The following SPDEF variants were observed in gnomAD, a reference collection of about 807,000 sequenced individuals.
SPDEF encodes the protein SAM pointed domain-containing Ets transcription factor.
Under a neutral mutation model 36.0 loss-of-function variants are expected in SPDEF, and 12 were observed. The ratio of observed to expected loss-of-function variants is 0.33; its 90% confidence interval spans 0.21 to 0.54. The LOEUF is 0.54. Among genes scored for constraint, SPDEF ranks in the 20% least tolerant of loss-of-function variants. The probability of loss-of-function intolerance (pLI) is 0.93; values close to 1 mark genes in which losing one functional copy is unlikely to be tolerated. For missense variants in SPDEF, 388 were observed against 456.9 expected (o/e 0.85, Z 1.37); for synonymous variants, 205 against 193.0 (o/e 1.06, Z -0.51).
At chr6:34,541,240 TG>T in intron 2 of SPDEF, 59 bp from the exon 3 acceptor site, 1 of 1,491,298 alleles carries the variant, frequency 6.7e-7, no homozygotes. Flanking sequence ...CCTGCTGTGA[TG>T]GGGCACCCAT....
In SPDEF at chr6:34,555,630, A is replaced by G. The variant is rs1327953725; in HGVS notation, c.-30+299T>C. On this transcript the variant is annotated intron_variant, in intron 1 of 5. Transcript: ENST00000374037. The surrounding 1 kb of genome is among the most constrained non-coding windows in gnomAD (Gnocchi z 5.2). Reference sequence around the variant, plus strand: ...TCAGGGGCCGGGGCTCTGCATCTGCACGGCGGCCTCCCCTCAGGCTGGGCA... The same window carrying G: ...TCAGGGGCCGGGGCTCTGCATCTGCGCGGCGGCCTCCCCTCAGGCTGGGCA... Among the ~76,000 whole-genome samples the G allele has an allele frequency of 2.6e-5, 4 of 152,082 alleles. No homozygotes were observed. Among genetic ancestry groups the G allele is most frequent in the African/African-American group, 9.7e-5 (4 of 41,416 alleles).
intron 3 of SPDEF, among the ~76,000 whole-genome samples, chr6:34,540,625 A>T (rs1032996396): frequency 6.6e-6 from 1 of 151,728 alleles, no homozygotes; most frequent in African/African-American, 2.4e-5. Flanking sequence ...TACTTCTTTA[A>T]TAAAAAAAAA....
At chr6:34,540,896 T>C in intron 3 of SPDEF, 88 bp downstream of exon 3, 2 of 1,275,448 alleles carry the variant, frequency 1.6e-6, no homozygotes, top group Non-Finnish European at 2.2e-6. Flanking sequence ...AAGGGGCTGC[T>C]GCCCTAGCAG....
chr6:34,550,756 G>A (rs986564962), intron 1 of SPDEF, among the ~76,000 whole-genome samples: 5 of 152,188 alleles, frequency 3.3e-5, no homozygotes, highest in African/African-American at 7.2e-5. Context: ...TTTGTGGGGC[G>A]GGAGGCAGGT....
intron 2 of SPDEF, among the ~76,000 whole-genome samples, chr6:34,541,577 C>T (rs1458867546): frequency 6.6e-6 from 1 of 152,202 alleles, no homozygotes; most frequent in Non-Finnish European, 1.5e-5. Context: ...TTCCCAAACC[C>T]CTCAAGGAAC....
Position 34,538,567 on chromosome 6 carries a change from T to TC in SPDEF, c.830-116dup. 1 of 1,031,694 alleles carries TC rather than the reference T, an allele frequency of 9.7e-7. No homozygotes were observed. The highest frequency in any genetic ancestry group is 1.4e-6 in the Non-Finnish European group (1 of 713,536). 63.9% of individuals were successfully genotyped at this position (1,031,694 alleles called of 1,614,324 possible). A position where few individuals can be genotyped will look rare whatever the true frequency, so the allele number is the denominator to read the frequency against. ...AACCAAGGGACCCCGTGCAGAGGCC[T>TC]CCCCCTGCTCGGGTGGGGCGGGGTG... On this transcript the variant is annotated intron_variant, in intron 5 of 5. Transcript: ENST00000374037. The surrounding 1 kb of genome is among the most constrained non-coding windows in gnomAD (Gnocchi z 5.9).
chr6:34,538,773 C>G lies in SPDEF; in HGVS notation c.830-321G>C, dbSNP rs1403447208. Among the ~76,000 whole-genome samples the G allele has an allele frequency of 6.6e-6, 1 of 152,222 alleles. No homozygotes were observed. The highest frequency in any genetic ancestry group is 2.4e-5 in the African/African-American group (1 of 41,456). On this transcript the variant is annotated intron_variant, in intron 5 of 5. Coordinates refer to ENST00000374037, the MANE Select transcript of SPDEF (RefSeq NM_012391.3). The surrounding 1 kb of genome is among the most constrained non-coding windows in gnomAD (Gnocchi z 5.9). ...GGGGCCCTGCAGGCCTGGCCCTTGC[C>G]AACTCCTGCTTCTGTGTGGGGTTTG...
chr6:34,548,243 C>A (rs1767994106), intron 1 of SPDEF, among the ~76,000 whole-genome samples: 1 of 152,184 alleles, frequency 6.6e-6, no homozygotes, highest in Non-Finnish European at 1.5e-5. Context: ...CAGGGTTCTT[C>A]CTGGCCAGGT....
chr6:34,538,113 T>A lies in SPDEF; in HGVS notation c.*161A>T. The A allele has an allele frequency of 2.8e-6, 2 of 712,618 alleles. No individual in the cohort carries two copies. The highest frequency in any genetic ancestry group is 4.5e-6 in the Non-Finnish European group (2 of 441,794). The allele number at this position is 712,618 out of a possible 1,614,324, so 44.1% of individuals were successfully genotyped here. On this transcript the variant is annotated 3_prime_UTR_variant, in exon 6 of 6. Coordinates refer to ENST00000374037, the MANE Select transcript of SPDEF (RefSeq NM_012391.3). The surrounding 1 kb of genome is among the most constrained non-coding windows in gnomAD (Gnocchi z 5.9). The stretch of plus-strand genomic sequence containing the variant: ...GGTCCCGAAGGCCCCAGAGGACCCA[T>A]ATCCCCCTGGGGCAGTTGGTTGCCC...
At position 34,539,602 on chromosome 6, in the gene SPDEF, C is replaced by T; in HGVS notation, c.635-40G>A. The T allele has an allele frequency of 1.9e-6, 3 of 1,552,134 alleles. No individual in the cohort carries two copies. The highest frequency in any genetic ancestry group is 2.6e-6 in the Non-Finnish European group (3 of 1,148,542). On this transcript the variant is annotated intron_variant, in intron 3 of 5. Transcript: ENST00000374037. The surrounding 1 kb of genome is among the most constrained non-coding windows in gnomAD (Gnocchi z 5.2). ...GAGGGGGTTGGGGACCCAGGAGAGG[C>T]CCCGAGGGTGGAGGAGGGGAGGCGT...
Position 34,540,964 on chromosome 6 carries a change from C to T in SPDEF, c.634+20G>A. On this transcript the variant is annotated intron_variant, in intron 3 of 5. Coordinates refer to ENST00000374037, the MANE Select transcript of SPDEF (RefSeq NM_012391.3). ...GCTTGGAGCCTGGGAGGGGCTGCTC[C>T]CAGCCATGCCACATCCTACCTGACT... The T allele has an allele frequency of 6.2e-7, 1 of 1,603,176 alleles. No homozygotes were observed.
chr6:34,555,166 C>T lies in SPDEF; in HGVS notation c.-30+763G>A, dbSNP rs1768140629. 6.6e-6 allele frequency among the ~76,000 whole-genome samples: 1 copy of T among 151,842 alleles called. No homozygotes were observed. The highest frequency in any genetic ancestry group is 1.5e-5 in the Non-Finnish European group (1 of 67,998). On this transcript the variant is annotated intron_variant, in intron 1 of 5. Transcript: ENST00000374037. The surrounding 1 kb of genome is among the most constrained non-coding windows in gnomAD (Gnocchi z 5.2). ...CACACCTCCACCAGCCTCAGGGGCA[C>T]CCAGTCGCCCAGGCCCTTCAGCTTC...
chr6:34,544,558 A>T lies in SPDEF; in HGVS notation c.-29-74T>A. The T allele has an allele frequency of 8.0e-7, 1 of 1,248,762 alleles. No homozygotes were observed. 77.4% of individuals were successfully genotyped at this position (1,248,762 alleles called of 1,614,324 possible). A position where few individuals can be genotyped will look rare whatever the true frequency, so the allele number is the denominator to read the frequency against. On this transcript the variant is annotated intron_variant, in intron 1 of 5. Coordinates refer to ENST00000374037, the MANE Select transcript of SPDEF (RefSeq NM_012391.3). The surrounding 1 kb of genome is among the most constrained non-coding windows in gnomAD (Gnocchi z 4.4). The stretch of plus-strand genomic sequence containing the variant: ...GGGGGCCGCTAAGCTGGTTATGGGG[A>T]TGAGGGGCCCTGTGGACAGTGGGCT...
In SPDEF at chr6:34,539,625, C is replaced by A; in HGVS notation, c.635-63G>T. 1 of 1,534,996 alleles carries A rather than the reference C, an allele frequency of 6.5e-7. No homozygotes were observed. The highest frequency in any genetic ancestry group is 8.8e-7 in the Non-Finnish European group (1 of 1,134,708). Reference sequence around the variant, plus strand: ...GGCCCCGAGGGTGGAGGAGGGGAGGCGTTTGGGTGGGACTGTGGGGCCACA... The same window carrying A: ...GGCCCCGAGGGTGGAGGAGGGGAGGAGTTTGGGTGGGACTGTGGGGCCACA... On this transcript the variant is annotated intron_variant, in intron 3 of 5. Transcript: ENST00000374037. The surrounding 1 kb of genome is among the most constrained non-coding windows in gnomAD (Gnocchi z 5.2).
At position 34,544,151 on chromosome 6, in the gene SPDEF, G is replaced by T. The variant is rs772048340; in HGVS notation, c.305C>A (p.Ala102Glu). Residue 102 changes from alanine (A) to glutamate (E), a missense_variant, in exon 2 of 6, where the codon GCG becomes GAG. Ala to Glu is a moderately radical substitution (Grantham distance 107, BLOSUM62 -1). This residue lies in a region of SPDEF where 308 missense variants were observed against 326.1 expected (regional missense o/e 0.94). Coordinates refer to ENST00000374037, the MANE Select transcript of SPDEF (RefSeq NM_012391.3). This position sits in a 1 kb window ranked among gnomAD's most constrained non-coding sequence, Gnocchi z 4.4. Reference sequence around the variant, plus strand: ...GCCGGGCACCAAGTCCAGGCTGCCCGCTGGGGCTTGGCTGTCAATGACCGG... The same window carrying T: ...GCCGGGCACCAAGTCCAGGCTGCCCTCTGGGGCTTGGCTGTCAATGACCGG... ...QCPVIDSQAP[A>E]GSLDLVPGGL... The T allele has an allele frequency of 6.2e-7, 1 of 1,613,816 alleles. No individual in the cohort carries two copies. The highest frequency in any genetic ancestry group is 8.5e-7 in the Non-Finnish European group (1 of 1,179,926).
chr6:34,544,936 G>A lies in SPDEF; in HGVS notation c.-29-452C>T, dbSNP rs1199043175. Among the ~76,000 whole-genome samples, 2 of 152,186 alleles carry A rather than the reference G, an allele frequency of 1.3e-5. No homozygotes were observed. The highest frequency in any genetic ancestry group is 2.4e-5 in the African/African-American group (1 of 41,450). On this transcript the variant is annotated intron_variant, in intron 1 of 5. Coordinates refer to ENST00000374037, the MANE Select transcript of SPDEF (RefSeq NM_012391.3). This position sits in a 1 kb window ranked among gnomAD's most constrained non-coding sequence, Gnocchi z 4.4. Reference sequence around the variant, plus strand: ...TTTTCTTCTGCCTTTGACAAGGATAGGAGTGGAAGTGGCAGGCAGAGGCCA... The same window carrying A: ...TTTTCTTCTGCCTTTGACAAGGATAAGAGTGGAAGTGGCAGGCAGAGGCCA...
In SPDEF at chr6:34,539,734, C is replaced by T. The variant is rs1001485503; in HGVS notation, c.635-172G>A. Among the ~76,000 whole-genome samples, 1 of 152,204 alleles carries T rather than the reference C, an allele frequency of 6.6e-6. No individual in the cohort carries two copies. Among genetic ancestry groups the T allele is most frequent in the African/African-American group, 2.4e-5 (1 of 41,452 alleles). ...GAGGCAAGCTGGTTACAAGAAGCTG[C>T]TTCCTGGAAGAAAATTCAGGATTTC... is the stretch of plus-strand genomic sequence containing the variant. On this transcript the variant is annotated intron_variant, in intron 3 of 5. Coordinates refer to ENST00000374037, the MANE Select transcript of SPDEF (RefSeq NM_012391.3). This position sits in a 1 kb window ranked among gnomAD's most constrained non-coding sequence, Gnocchi z 5.2.
At chr6:34,541,248 C>A in intron 2 of SPDEF, 67 bp from the exon 3 acceptor site, 5 of 1,454,360 alleles carry the variant, frequency 3.4e-6, no homozygotes, top group Non-Finnish European at 4.7e-6. Context: ...GATGGGGCAC[C>A]CATGGGAACC....
rs1275738723 is a variant in SPDEF, at chr6:34,555,328, C to A, written c.-30+601G>T. On this transcript the variant is annotated intron_variant, in intron 1 of 5. Coordinates refer to ENST00000374037, the MANE Select transcript of SPDEF (RefSeq NM_012391.3). This position sits in a 1 kb window ranked among gnomAD's most constrained non-coding sequence, Gnocchi z 5.2. Reference sequence around the variant, plus strand: ...CCAGGACCCAAGGCTCTCAGCTTCCCCCAGTGTCCAAGGGCTCAGAGTGTG... The same window carrying A: ...CCAGGACCCAAGGCTCTCAGCTTCCACCAGTGTCCAAGGGCTCAGAGTGTG... Among the ~76,000 whole-genome samples, 2 of 152,074 alleles carry A rather than the reference C, an allele frequency of 1.3e-5. No individual in the cohort carries two copies. Among genetic ancestry groups the A allele is most frequent in the African/African-American group, 4.8e-5 (2 of 41,406 alleles).
Sources: gnomAD v4.1 joint callset for allele counts (sites outside exome capture counted in the v4.1 genomes callset) on GRCh38, gnomAD v4.1.1 for gene constraint, gnomAD v4.1.1 regional missense constraint, Gnocchi (gnomAD v3.1) non-coding constraint, MANE v1.5 for transcripts, NCBI Gene and HGNC (gene_info 2026-07-23, HGNC 2026-07-21) for gene names.